SYCP1: variants seen among roughly 807,000 people sequenced by gnomAD.
SYCP1 encodes the protein cancer/testis antigen 8.
In SYCP1, 64 loss-of-function variants were observed where a neutral mutation model predicts 153.1. The ratio of observed to expected loss-of-function variants is 0.42; its 90% CI spans 0.34 to 0.51. The LOEUF (loss-of-function observed/expected upper bound fraction) is 0.51, where lower values mean the gene tolerates loss of function less well. Among genes scored for constraint, SYCP1 ranks in the 20% least tolerant of loss-of-function variants. The pLI, the probability that SYCP1 is intolerant of heterozygous loss-of-function variation, is 0.06. For synonymous variants in SYCP1, 384 were observed against 341.8 expected, an observed-to-expected ratio of 1.12 and a Z score of -1.36; for missense variants, 997 against 1,049.0, an observed-to-expected ratio of 0.95 and a Z score of 0.68.
chr1:114,960,962 C>T (rs1671746257), intron 27 of SYCP1, among the ~76,000 whole-genome samples: 1 of 152,188 alleles, frequency 6.6e-6, no homozygotes, highest in African/African-American at 2.4e-5. Flanking sequence ...CAGAATTCAA[C>T]TGTGAATCCA....
intron 23 of SYCP1, among the ~76,000 whole-genome samples, chr1:114,931,069 G>A (rs1220048959): frequency 2.6e-5 from 4 of 151,596 alleles, no homozygotes; most frequent in African/African-American, 9.7e-5. Context: ...TGACAGAATT[G>A]AACACTTATT....
At chr1:114,904,407 C>T (rs1463689212) in intron 16 of SYCP1, among the ~76,000 whole-genome samples, 6 of 152,158 alleles carry the variant, frequency 3.9e-5, no homozygotes, top group East Asian at 1.9e-4. Flanking sequence ...TGAGCCACCT[C>T]GCCCCGCCTA....
chr1:114,915,355 G>A (rs571769360), intron 20 of SYCP1, among the ~76,000 whole-genome samples: 5 of 152,166 alleles, frequency 3.3e-5, no homozygotes, highest in Non-Finnish European at 5.9e-5. Context: ...GTACTGATAA[G>A]ATACAAATAT....
At position 114,951,230 on chromosome 1, in the gene SYCP1, A is replaced by G. The variant is rs182120460; in HGVS notation, c.2322+3910A>G. On this transcript the variant is annotated intron_variant, in intron 27 of 31. Coordinates refer to ENST00000369522, the MANE Select transcript of SYCP1 (RefSeq NM_003176.4). ...TTACATCCCAGAATAACTTTTATCT[A>G]TTTTGGGCGTGTATCACTTCATATG... Among the ~76,000 whole-genome samples the G allele has an allele frequency of 1.8e-3, 278 of 152,314 alleles. 1 individual carries two copies. Among genetic ancestry groups the G allele is most frequent in the African/African-American group, 6.4e-3 (265 of 41,586 alleles).
chr1:114,971,816 G>T (rs192283829), intron 27 of SYCP1, among the ~76,000 whole-genome samples: 107 of 152,178 alleles, frequency 7.0e-4, no homozygotes, highest in African/African-American at 2.5e-3. Context: ...AATTTGGTTT[G>T]CTCGTATTTT....
At chr1:114,916,454 G>T (rs1027728666) in intron 20 of SYCP1, among the ~76,000 whole-genome samples, 1 of 151,948 alleles carries the variant, frequency 6.6e-6, no homozygotes, top group African/African-American at 2.4e-5. Flanking sequence ...ATATGAAAAT[G>T]CTGGTCCTAA....
chr1:114,932,556 C>T (rs10157284), intron 23 of SYCP1, among the ~76,000 whole-genome samples: 6,169 of 152,188 alleles, frequency 0.041, 158 homozygotes, highest in Non-Finnish European at 0.062. Flanking sequence ...TGGGGCTTGT[C>T]GGACAGTGGG....
intron 15 of SYCP1, among the ~76,000 whole-genome samples, chr1:114,893,154 C>G (rs1306280826): frequency 2.0e-5 from 3 of 152,158 alleles, no homozygotes; most frequent in Admixed American, 6.5e-5. Context: ...GGTGAGTGGG[C>G]AGATGCCTCT....
At chr1:114,919,092 G>C (rs1668692302) in intron 20 of SYCP1, among the ~76,000 whole-genome samples, 1 of 151,994 alleles carries the variant, frequency 6.6e-6, no homozygotes, top group African/African-American at 2.4e-5. Flanking sequence ...CCAGGTCTAA[G>C]AGGAAAGACC....
At chr1:114,917,870 A>G (rs1220658625) in intron 20 of SYCP1, among the ~76,000 whole-genome samples, 1 of 151,732 alleles carries the variant, frequency 6.6e-6, no homozygotes, top group Non-Finnish European at 1.5e-5. Flanking sequence ...AGCCCCTTAT[A>G]TATTGTGTGT....
In SYCP1 at chr1:114,926,364, T is replaced by C. The variant is rs953009839; in HGVS notation, c.1863+24T>C. ...AGGTATGTATTTTTTATAAATATTCTCAAAATCAAACTGATATTTTCACCA... is the reference window on the plus strand; with the variant it reads ...AGGTATGTATTTTTTATAAATATTCCCAAAATCAAACTGATATTTTCACCA... On this transcript the variant is annotated intron_variant, in intron 22 of 31. Coordinates refer to ENST00000369522, the MANE Select transcript of SYCP1 (RefSeq NM_003176.4). 8 of 1,521,452 alleles carry C rather than the reference T, an allele frequency of 5.3e-6. No individual in the cohort carries two copies. In the African/African-American group the frequency reaches 9.8e-5, roughly 19 times the overall value. The allele number at this position is 1,521,452 out of a possible 1,614,324, so 94.2% of individuals were successfully genotyped here.
intron 27 of SYCP1, among the ~76,000 whole-genome samples, chr1:114,967,325 C>G (rs1394253168): frequency 6.6e-6 from 1 of 152,122 alleles, no homozygotes; most frequent in Non-Finnish European, 1.5e-5. Context: ...CTTTGTAGGT[C>G]TCTTAAAACT....
rs147626229 is a variant in SYCP1 at position 114,923,477 on chromosome 1, C to G, written c.1747C>G (p.Leu583Val). 225 of 1,589,478 alleles carry G rather than the reference C, an allele frequency of 1.4e-4. No homozygotes were observed. Among genetic ancestry groups the G allele is most frequent in the Non-Finnish European group, 1.9e-4 (218 of 1,164,888 alleles). The change falls in exon 21 of 32, where the codon CTA becomes GTA. Residue 583 changes from leucine to valine, a missense_variant. By Grantham distance (32) the Leu-to-Val change is conservative. This residue lies in a region of SYCP1 where 712 missense variants were observed against 682.9 expected (regional missense o/e 1.04). Coordinates refer to ENST00000369522, the MANE Select transcript of SYCP1 (RefSeq NM_003176.4). ...RNELEYVREE[L>V]KQKRDEVKCK... is the part of the protein sequence containing the mutation. Reference sequence around the variant, plus strand: ...TGAACTAGAATATGTGAGAGAAGAGCTAAAACAGAAAAGAGATGAAGTTAA... The same window carrying G: ...TGAACTAGAATATGTGAGAGAAGAGGTAAAACAGAAAAGAGATGAAGTTAA...
chr1:114,988,252 G>A (rs1176437188), intron 30 of SYCP1, among the ~76,000 whole-genome samples: 1 of 151,042 alleles, frequency 6.6e-6, no homozygotes, highest in Non-Finnish European at 1.5e-5. Context: ...AGAGAGAGGT[G>A]GAAAGAGTTA....
intron 25 of SYCP1, among the ~76,000 whole-genome samples, chr1:114,945,724 TTC>T (rs1337347416): frequency 6.6e-6 from 1 of 152,154 alleles, no homozygotes; most frequent in Non-Finnish European, 1.5e-5. Context: ...AACTGTAATT[TTC>T]TCTGATAACT....
At chr1:114,934,099 T>C (rs1481703560) in intron 23 of SYCP1, among the ~76,000 whole-genome samples, 2 of 151,952 alleles carry the variant, frequency 1.3e-5, no homozygotes, top group South Asian at 2.1e-4. Flanking sequence ...AACTCCAAGA[T>C]ACATAATTGT....
chr1:114,952,209 C>T (rs1378433135), intron 27 of SYCP1, among the ~76,000 whole-genome samples: 8 of 152,108 alleles, frequency 5.3e-5, no homozygotes, highest in African/African-American at 1.9e-4. Context: ...ATGGCAGTTG[C>T]ATATTAGTTT....
At chr1:114,907,027 T>C (rs929428137) in intron 16 of SYCP1, among the ~76,000 whole-genome samples, 2 of 152,218 alleles carry the variant, frequency 1.3e-5, no homozygotes, top group Non-Finnish European at 1.5e-5. Context: ...TTCACATTTA[T>C]ATCTAACTAC....
chr1:114,898,297 AG>A (rs1667192562), intron 16 of SYCP1, among the ~76,000 whole-genome samples: 1 of 152,228 alleles, frequency 6.6e-6, no homozygotes, highest in Non-Finnish European at 1.5e-5. Context: ...TGACATGCCC[AG>A]ATAACTGGTG....
Sources: gnomAD v4.1 joint callset for allele counts (sites outside exome capture counted in the v4.1 genomes callset) on GRCh38, gnomAD v4.1.1 for gene constraint, gnomAD v4.1.1 regional missense constraint, MANE v1.5 for transcripts, NCBI Gene and HGNC (gene_info 2026-07-23, HGNC 2026-07-21) for gene names.